The following ANGPT1 variants were observed in gnomAD, a reference collection of about 807,000 sequenced individuals.
ANGPT1 encodes angiopoietin 1.
ANGPT1 carries 17 observed loss-of-function variants against 62.2 expected under a neutral mutation model. The ratio of observed to expected loss-of-function variants is 0.27; its 90% CI spans 0.19 to 0.41. The LOEUF is 0.41. Among genes scored for constraint, ANGPT1 ranks in the 10% least tolerant of loss-of-function variants. The pLI is 1.00. For synonymous variants in ANGPT1, 199 were observed against 198.9 expected (o/e 1.00, Z 0.00); for missense variants, 478 against 594.9 (o/e 0.80, Z 2.04).
intron 1 of ANGPT1, among the ~76,000 whole-genome samples, chr8:107,407,174 T>C (rs1216832505): frequency 6.6e-6 from 1 of 152,112 alleles, no homozygotes; most frequent in Non-Finnish European, 1.5e-5. Flanking sequence ...TTTATTTAAA[T>C]GAATGAGATT....
chr8:107,254,213 G>GT (rs1397374250), intron 8 of ANGPT1, among the ~76,000 whole-genome samples: 3 of 152,002 alleles, frequency 2.0e-5, no homozygotes, highest in African/African-American at 4.8e-5. Flanking sequence ...CTAAAATGCT[G>GT]TATTTGATAG....
At chr8:107,389,728 A>G (rs1301021359) in intron 1 of ANGPT1, among the ~76,000 whole-genome samples, 1 of 152,192 alleles carries the variant, frequency 6.6e-6, no homozygotes, top group African/African-American at 2.4e-5. Context: ...CTTTAGAAAC[A>G]TATAAAATAT....
rs2507799 is a variant in ANGPT1 at position 107,249,580 on chromosome 8, C to T, written c.*2275G>A. ...CCACATGAATTTTAAAGACAAAATT[C>T]GAATACCTAATTATCCTATTCTGAA... is the stretch of plus-strand genomic sequence containing the variant. On this transcript the variant is annotated 3_prime_UTR_variant, in exon 9 of 9. Coordinates refer to ENST00000517746, the MANE Select transcript of ANGPT1 (RefSeq NM_001146.5). The T allele has an allele frequency of 7.3e-5, 11 of 151,712 alleles. No homozygotes were observed. Among genetic ancestry groups the T allele is most frequent in the East Asian group, 5.8e-4 (3 of 5,158 alleles). 9.4% of individuals were successfully genotyped at this position (151,712 alleles called of 1,614,324 possible).
At chr8:107,281,574 C>G (rs1308408477) in intron 7 of ANGPT1, among the ~76,000 whole-genome samples, 1 of 151,956 alleles carries the variant, frequency 6.6e-6, no homozygotes. Flanking sequence ...ATCAGGAGAT[C>G]GAGTCCATCC....
Position 107,408,459 on chromosome 8 carries a change from C to T in ANGPT1, c.298-61362G>A, listed in dbSNP as rs1206070054. On this transcript the variant is annotated intron_variant, in intron 1 of 8. Transcript: ENST00000517746. The stretch of plus-strand genomic sequence containing the variant: ...TTTTAGAGAGAAAAATGTGTTCCTC[C>T]GTCTGATACTAAAAAGAGTCTTCGT... Among the ~76,000 whole-genome samples, 4 of 152,020 alleles carry T rather than the reference C, an allele frequency of 2.6e-5. No individual in the cohort carries two copies. The East Asian group carries it at 5.8e-4, about 22-fold the overall frequency.
At chr8:107,371,844 A>C (rs925854612) in intron 1 of ANGPT1, among the ~76,000 whole-genome samples, 2 of 152,132 alleles carry the variant, frequency 1.3e-5, no homozygotes, top group Admixed American at 1.3e-4. Flanking sequence ...ACCTTAATTC[A>C]CATAAAGGCA....
intron 1 of ANGPT1, among the ~76,000 whole-genome samples, chr8:107,387,304 T>C (rs1250478538): frequency 6.6e-6 from 1 of 152,132 alleles, no homozygotes; most frequent in East Asian, 1.9e-4. Flanking sequence ...TTCAGATCCC[T>C]GCTGTATTGA....
chr8:107,352,966 T>TA (rs200077164), intron 1 of ANGPT1, among the ~76,000 whole-genome samples: 164 of 151,362 alleles, frequency 1.1e-3, no homozygotes, highest in Admixed American at 4.0e-3. Context: ...ATGGCCTTAT[T>TA]AAAAAAAAAG....
chr8:107,434,677 T>C (rs968764910), intron 1 of ANGPT1, among the ~76,000 whole-genome samples: 4 of 152,308 alleles, frequency 2.6e-5, no homozygotes, highest in African/African-American at 9.6e-5. Flanking sequence ...TAACCCTGAT[T>C]ACATGGCAAT....
At chr8:107,293,021 T>C (rs972093410) in intron 6 of ANGPT1, among the ~76,000 whole-genome samples, 1 of 152,202 alleles carries the variant, frequency 6.6e-6, no homozygotes, top group African/African-American at 2.4e-5. Context: ...CAGATTTTAA[T>C]AGTTAATATT....
chr8:107,443,397 G>C (rs1469614985), intron 1 of ANGPT1, among the ~76,000 whole-genome samples: 1 of 152,124 alleles, frequency 6.6e-6, no homozygotes, highest in Non-Finnish European at 1.5e-5. Context: ...CTAATGTTAG[G>C]AGATTGAGCT....
intron 7 of ANGPT1, among the ~76,000 whole-genome samples, chr8:107,265,107 C>A (rs1048266572): frequency 6.6e-6 from 1 of 152,122 alleles, no homozygotes; most frequent in Non-Finnish European, 1.5e-5. Flanking sequence ...TGGCATTCTT[C>A]GAAGAACCTC....
intron 1 of ANGPT1, among the ~76,000 whole-genome samples, chr8:107,410,468 T>A (rs1817245194): frequency 6.6e-6 from 1 of 152,160 alleles, no homozygotes; most frequent in South Asian, 2.1e-4. Flanking sequence ...AGGTGACCTA[T>A]GAGCATCAAA....
intron 1 of ANGPT1, among the ~76,000 whole-genome samples, chr8:107,434,047 A>G (rs1267395671): frequency 6.6e-6 from 1 of 152,202 alleles, no homozygotes; most frequent in African/African-American, 2.4e-5. Context: ...AGTGAGTCAA[A>G]ACTGAAAAAG....
intron 3 of ANGPT1, among the ~76,000 whole-genome samples, chr8:107,323,227 G>T (rs1012708730): frequency 1.3e-5 from 2 of 152,120 alleles, no homozygotes; most frequent in African/African-American, 4.8e-5. Flanking sequence ...GAAATAAAAA[G>T]CATTAACATT....
chr8:107,465,984 T>C (rs765049132), intron 1 of ANGPT1, among the ~76,000 whole-genome samples: 47 of 152,202 alleles, frequency 3.1e-4, no homozygotes, highest in African/African-American at 1.0e-3. Flanking sequence ...TATTCTCCTC[T>C]GGTTAGCCGT....
At chr8:107,392,870 C>T (rs571459091) in intron 1 of ANGPT1, among the ~76,000 whole-genome samples, 276 of 152,230 alleles carry the variant, frequency 1.8e-3, no homozygotes, top group Admixed American at 5.3e-3. Context: ...TGAATTGAAA[C>T]GCCACCTTTG....
intron 1 of ANGPT1, among the ~76,000 whole-genome samples, chr8:107,485,528 A>C (rs1041817624): frequency 2.0e-5 from 3 of 152,198 alleles, no homozygotes; most frequent in Admixed American, 6.5e-5. Flanking sequence ...AGACAAAACG[A>C]GAGGAAGAAC....
chr8:107,371,297 G>A (rs1291633671), intron 1 of ANGPT1, among the ~76,000 whole-genome samples: 1 of 152,138 alleles, frequency 6.6e-6, no homozygotes, highest in Non-Finnish European at 1.5e-5. Context: ...AAATCATTGA[G>A]ACTACTAATC....
Sources: gnomAD v4.1 joint callset for allele counts (sites outside exome capture counted in the v4.1 genomes callset) on GRCh38, gnomAD v4.1.1 for gene constraint, MANE v1.5 for transcripts, NCBI Gene and HGNC (gene_info 2026-07-23, HGNC 2026-07-21) for gene names.